Variants in UBE2E2 observed in about 807,000 individuals in gnomAD.
UBE2E2 encodes the protein ubiquitin conjugating enzyme E2 E2.
Under a neutral mutation model 24.7 loss-of-function variants are expected in UBE2E2, and 6 were observed. The observed-to-expected ratio is 0.24, with a 90% CI of 0.13 to 0.48. The LOEUF (loss-of-function observed/expected upper bound fraction) is 0.48, where lower values mean the gene tolerates loss of function less well. UBE2E2 is among the 20% of genes least tolerant of loss of function. The pLI is 0.99. For missense variants in UBE2E2, 169 were observed against 245.0 expected, an observed-to-expected ratio of 0.69 and a Z score of 2.07; for synonymous variants, 104 against 83.6, an observed-to-expected ratio of 1.24 and a Z score of -1.33.
At chr3:23,587,277 A>G (rs1455748921) in intron 5 of UBE2E2, among the ~76,000 whole-genome samples, 1 of 152,180 alleles carries the variant, frequency 6.6e-6, no homozygotes. Flanking sequence ...AGTTGATATG[A>G]CACATTTTCC....
intron 3 of UBE2E2, among the ~76,000 whole-genome samples, chr3:23,497,376 A>C (rs1699624453): frequency 6.6e-6 from 1 of 152,244 alleles, no homozygotes; most frequent in African/African-American, 2.4e-5. Flanking sequence ...TGAACTGCTC[A>C]TGCAGAGATG....
chr3:23,441,305 A>G (rs1698297202), intron 3 of UBE2E2, among the ~76,000 whole-genome samples: 1 of 150,778 alleles, frequency 6.6e-6, no homozygotes, highest in Non-Finnish European at 1.5e-5. Flanking sequence ...CGGGCAGATC[A>G]CGACGTCATG....
At chr3:23,233,303 G>A (rs1226108370) in intron 3 of UBE2E2, among the ~76,000 whole-genome samples, 1 of 152,112 alleles carries the variant, frequency 6.6e-6, no homozygotes, top group Non-Finnish European at 1.5e-5. Context: ...CAAAGCTGTT[G>A]TACATCACTT....
At chr3:23,235,885 C>T (rs759492820) in intron 3 of UBE2E2, among the ~76,000 whole-genome samples, 1 of 152,028 alleles carries the variant, frequency 6.6e-6, no homozygotes, top group Non-Finnish European at 1.5e-5. Flanking sequence ...CTGAGACATC[C>T]AAATGGAGAT....
intron 3 of UBE2E2, among the ~76,000 whole-genome samples, chr3:23,442,308 A>G (rs1173661242): frequency 6.6e-6 from 1 of 152,122 alleles, no homozygotes; most frequent in Non-Finnish European, 1.5e-5. Context: ...TTAAAAAAAA[A>G]AATGAATCCT....
At chr3:23,393,296 C>G (rs753524304) in intron 3 of UBE2E2, among the ~76,000 whole-genome samples, 10 of 152,108 alleles carry the variant, frequency 6.6e-5, no homozygotes, top group Non-Finnish European at 1.5e-4. Flanking sequence ...CCAAAAGTAT[C>G]AGATAGATGA....
chr3:23,399,549 T>C (rs1432529259), intron 3 of UBE2E2, among the ~76,000 whole-genome samples: 1 of 152,166 alleles, frequency 6.6e-6, no homozygotes, highest in African/African-American at 2.4e-5. Flanking sequence ...ATGACAAAAA[T>C]CACAATTACT....
At position 23,501,206 on chromosome 3, in the gene UBE2E2, T is replaced by A. The variant is rs116412488; in HGVS notation, c.360+1466T>A. On this transcript the variant is annotated intron_variant, in intron 4 of 5. Transcript: ENST00000396703. ...GAAAACTCAGACCAGGCTATTGTGC[T>A]GCTTGTAAATCTGATGTGATCTGTT... is the stretch of plus-strand genomic sequence containing the variant. Among the ~76,000 whole-genome samples the A allele has an allele frequency of 7.1e-3, 1,076 of 152,368 alleles. 4 individuals are homozygous for A. The highest frequency in any genetic ancestry group is 0.024 in the African/African-American group (999 of 41,588).
At chr3:23,348,424 T>C (rs1036402910) in intron 3 of UBE2E2, among the ~76,000 whole-genome samples, 3 of 151,662 alleles carry the variant, frequency 2.0e-5, no homozygotes, top group South Asian at 2.1e-4. Flanking sequence ...GGAAGCTTAA[T>C]TGTGAATTAG....
intron 3 of UBE2E2, among the ~76,000 whole-genome samples, chr3:23,301,613 A>T (rs1292718896): frequency 6.6e-6 from 1 of 152,206 alleles, no homozygotes; most frequent in African/African-American, 2.4e-5. Context: ...GATGAACCAC[A>T]GATGCTGCTG....
chr3:23,296,250 G>A (rs1393758181), intron 3 of UBE2E2, among the ~76,000 whole-genome samples: 1 of 151,964 alleles, frequency 6.6e-6, no homozygotes, highest in Non-Finnish European at 1.5e-5. Flanking sequence ...ACACTAGTTT[G>A]CATATTATAT....
At chr3:23,259,708 T>C (rs951132529) in intron 3 of UBE2E2, among the ~76,000 whole-genome samples, 3 of 152,202 alleles carry the variant, frequency 2.0e-5, no homozygotes, top group Non-Finnish European at 1.5e-5. Flanking sequence ...TGGAAATTAT[T>C]TGGATGATTC....
chr3:23,209,811 C>T (rs1015784081), intron 2 of UBE2E2, among the ~76,000 whole-genome samples: 7 of 152,042 alleles, frequency 4.6e-5, no homozygotes, highest in African/African-American at 1.7e-4. Flanking sequence ...TTCTCAGGAC[C>T]CTTGGTGAGA....
At chr3:23,445,860 A>G (rs1024631499) in intron 3 of UBE2E2, among the ~76,000 whole-genome samples, 6 of 152,130 alleles carry the variant, frequency 3.9e-5, no homozygotes, top group Admixed American at 6.6e-5. Flanking sequence ...GTAACATACT[A>G]GGATTTGTTT....
At chr3:23,573,688 C>A (rs1190771515) in intron 5 of UBE2E2, among the ~76,000 whole-genome samples, 1 of 152,098 alleles carries the variant, frequency 6.6e-6, no homozygotes, top group Admixed American at 6.6e-5. Context: ...TTATGATGTA[C>A]CAATATCTTT....
chr3:23,285,821 T>C (rs547363704), intron 3 of UBE2E2, among the ~76,000 whole-genome samples: 91 of 152,222 alleles, frequency 6.0e-4, no homozygotes, highest in Non-Finnish European at 9.4e-4. Context: ...GCCACTCGAA[T>C]AGCTAGGAGG....
At chr3:23,475,286 C>G (rs1386401516) in intron 3 of UBE2E2, among the ~76,000 whole-genome samples, 1 of 152,118 alleles carries the variant, frequency 6.6e-6, no homozygotes, top group African/African-American at 2.4e-5. Context: ...GTTGTGAGCA[C>G]TGTTGACTCA....
intron 3 of UBE2E2, among the ~76,000 whole-genome samples, chr3:23,459,057 C>T (rs772759640): frequency 2.0e-5 from 3 of 152,098 alleles, no homozygotes; most frequent in Non-Finnish European, 4.4e-5. Context: ...ACTAGATCTC[C>T]ATTTGTGTTC....
chr3:23,236,751 C>G (rs1697124091), intron 3 of UBE2E2, among the ~76,000 whole-genome samples: 1 of 152,088 alleles, frequency 6.6e-6, no homozygotes, highest in South Asian at 2.1e-4. Flanking sequence ...CAGCGTTGGC[C>G]TAAGTGTACT....
Sources: allele counts gnomAD v4.1 joint callset (sites outside exome capture counted in the v4.1 genomes callset), GRCh38; gene constraint gnomAD v4.1.1; transcripts MANE v1.5; gene names NCBI Gene and HGNC (gene_info 2026-07-23, HGNC 2026-07-21).